VDAC2: variants seen among roughly 807,000 people sequenced by gnomAD.
VDAC2 encodes the protein non-selective voltage-gated ion channel VDAC2.
VDAC2 carries 6 observed loss-of-function variants against 36.6 expected under a neutral mutation model. The observed-to-expected ratio is 0.16, with a 90% CI of 0.09 to 0.32. The LOEUF is 0.32. Among genes scored for constraint, VDAC2 ranks in the 10% least tolerant of loss-of-function variants. VDAC2 has a pLI of 1.00. For missense variants in VDAC2, 247 were observed against 346.0 expected (o/e 0.71, Z 2.27); for synonymous variants, 109 against 123.8 (o/e 0.88, Z 0.79).
chr10:75,214,026 G>A lies in VDAC2; in HGVS notation c.106G>A (p.Gly36Arg). The A allele has an allele frequency of 6.2e-7, 1 of 1,613,274 alleles. No individual in the cohort carries two copies. Among genetic ancestry groups the A allele is most frequent in the South Asian group, 1.1e-5 (1 of 91,034 alleles). ...TTGCTGTCTATTTGTTGAAGGTTTT[G>A]GGTTGGTGAAACTGGATGTGAAAAC... is the stretch of plus-strand genomic sequence containing the variant. ...RDIFNKGFGF[G>R]LVKLDVKTKS... Residue 36 changes from glycine to arginine, a missense_variant, in exon 4 of 10, where the codon GGG (glycine) becomes AGG (arginine). Gly to Arg is a moderately radical substitution (Grantham distance 125, BLOSUM62 -2). This residue lies in a region of VDAC2 where 76 missense variants were observed against 76.9 expected (regional missense o/e 0.99). Transcript: ENST00000332211.
intron 1 of VDAC2, 73 bp downstream of exon 1, chr10:75,211,011 C>T (rs946279130): frequency 1.1e-6 from 1 of 912,082 alleles, no homozygotes; most frequent in Admixed American, 3.8e-5. Flanking sequence ...CCGCGCCGGA[C>T]TCGGAGTCGG....
intron 2 of VDAC2, chr10:75,211,509 A>C: frequency 6.5e-7 from 1 of 1,540,798 alleles, no homozygotes; most frequent in Non-Finnish European, 8.8e-7. Flanking sequence ...TTCTAGAGGA[A>C]GTAGCAGTCC....
intron 4 of VDAC2, among the ~76,000 whole-genome samples, chr10:75,215,970 T>C (rs1254559167): frequency 6.6e-6 from 1 of 152,208 alleles, no homozygotes; most frequent in African/African-American, 2.4e-5. Context: ...GATCCCAAAG[T>C]GTTGGGATTA....
intron 4 of VDAC2, among the ~76,000 whole-genome samples, chr10:75,216,127 G>A (rs749247011): frequency 2.2e-4 from 34 of 152,140 alleles, no homozygotes; most frequent in Non-Finnish European, 4.3e-4. Context: ...GACTTATTTG[G>A]CCAAGTTAAC....
At chr10:75,211,019 C>T (rs1020612578) in intron 1 of VDAC2, 81 bp downstream of exon 1, 3 of 978,718 alleles carry the variant, frequency 3.1e-6, no homozygotes, top group Non-Finnish European at 2.8e-6. Flanking sequence ...GACTCGGAGT[C>T]GGCCCTGGCT....
rs888404925 is a variant in VDAC2, at chr10:75,219,485, TTTTA to T, written c.356+141_356+144del. On this transcript the variant is annotated intron_variant, in intron 6 of 9. Coordinates refer to ENST00000332211, the MANE Select transcript of VDAC2 (RefSeq NM_001391963.1). ...GTGGTGGTGAAATCTCTGTATCTGC[TTTTA>T]TTTATTTATTTGAGATGGAGTCTTT... is the stretch of plus-strand genomic sequence containing the variant. 28 of 753,458 alleles carry T rather than the reference TTTTA, an allele frequency of 3.7e-5. No homozygotes were observed. In the Middle Eastern group the frequency reaches 2.4e-3, roughly 64 times the overall value. The allele number at this position is 753,458 out of a possible 1,614,324, so 46.7% of individuals were successfully genotyped here.
intron 4 of VDAC2, among the ~76,000 whole-genome samples, chr10:75,217,086 T>C (rs907293763): frequency 1.3e-5 from 2 of 151,854 alleles, no homozygotes; most frequent in Non-Finnish European, 2.9e-5. Context: ...TGAGACCCCG[T>C]CTCTACAAAA....
chr10:75,222,303 T>C lies in VDAC2; in HGVS notation c.636T>C (p.Asp212=). ...GGSIYQKVCE[D]LDTSVNLAWT... ...CAATTTATCAGAAAGTTTGTGAAGA[T>C]CTTGACACTTCAGTAAACCTTGCTT... Residue 212 remains aspartate, a synonymous_variant, in exon 8 of 10, where the codon GAT becomes GAC. Coordinates refer to ENST00000332211, the MANE Select transcript of VDAC2 (RefSeq NM_001391963.1). The C allele has an allele frequency of 1.2e-6, 2 of 1,614,130 alleles. No individual in the cohort carries two copies. Among genetic ancestry groups the C allele is most frequent in the Admixed American group, 3.3e-5 (2 of 60,006 alleles).
chr10:75,212,421 T>A, intron 3 of VDAC2, 123 bp downstream of exon 3: 4 of 946,108 alleles, frequency 4.2e-6, no homozygotes, highest in Non-Finnish European at 6.2e-6. Context: ...TTAGAGTTAC[T>A]TATTTTTTTG....
In VDAC2 at chr10:75,214,061, C is replaced by T. The variant is rs147273680; in HGVS notation, c.141C>T (p.Cys47=). 77 of 1,612,946 alleles carry T rather than the reference C, an allele frequency of 4.8e-5. No homozygotes were observed. In the African/African-American group the frequency reaches 7.2e-4, roughly 15 times the overall value. ...AACTGGATGTGAAAACAAAGTCTTG[C>T]AGTGGCGTGGTGAGTGTTACTGTTG... ...LVKLDVKTKS[C]SGVEFSTSGS... is the part of the protein sequence containing the mutation. The change falls in exon 4 of 10, where the codon TGC becomes TGT. Residue 47 remains cysteine, a synonymous_variant. Coordinates refer to ENST00000332211, the MANE Select transcript of VDAC2 (RefSeq NM_001391963.1).
intron 4 of VDAC2, among the ~76,000 whole-genome samples, chr10:75,217,478 A>G (rs1841641670): frequency 6.6e-6 from 1 of 152,170 alleles, no homozygotes; most frequent in South Asian, 2.1e-4. Context: ...CTCAGGTTCA[A>G]GTGATTTTCC....
At chr10:75,230,864 G>T in intron 9 of VDAC2, 34 bp from the exon 10 acceptor site, 2 of 1,590,124 alleles carry the variant, frequency 1.3e-6, no homozygotes, top group Non-Finnish European at 1.7e-6. Flanking sequence ...GGTACATCAC[G>T]GTTTTTTGTT....
intron 8 of VDAC2, among the ~76,000 whole-genome samples, chr10:75,227,584 T>TTTTA (rs1043017999): frequency 2.1e-5 from 3 of 143,074 alleles, no homozygotes; most frequent in Non-Finnish European, 4.5e-5. Context: ...GGAATTTTTT[T>TTTTA]TTTTTTTTTT....
At chr10:75,210,397 G>A (rs1300118559), upstream of VDAC2, among the ~76,000 whole-genome samples, 4 of 152,324 alleles carry the variant, frequency 2.6e-5, no homozygotes, top group East Asian at 1.9e-4. Flanking sequence ...GTTTCGGGGG[G>A]GAACCCGCAC....
In VDAC2 at chr10:75,227,576, A is replaced by AGTTTTTTTTTT. The variant is rs1841989654; in HGVS notation, c.736-2068_736-2067insGTTTTTTTTTT. Among the ~76,000 whole-genome samples the AGTTTTTTTTTT allele has an allele frequency of 6.4e-4, 58 of 90,756 alleles. 1 individual carries two copies. The highest frequency in any genetic ancestry group is 3.0e-3 in the African/African-American group (56 of 18,630). 59.5% of individuals were successfully genotyped at this position (90,756 alleles called of 152,430 possible). A position where few individuals can be genotyped will look rare whatever the true frequency, so the allele number is the denominator to read the frequency against. ...TTAACTCTTACTGTTAAATAATAGGAATTTTTTTTTTTTTTTTTTTTTGGA... is the reference window on the plus strand; with the variant it reads ...TTAACTCTTACTGTTAAATAATAGGAGTTTTTTTTTTATTTTTTTTTTTTTTTTTTTTTGGA... On this transcript the variant is annotated intron_variant, in intron 8 of 9. Coordinates refer to ENST00000332211, the MANE Select transcript of VDAC2 (RefSeq NM_001391963.1).
At chr10:75,228,140 T>G (rs916982918) in intron 8 of VDAC2, among the ~76,000 whole-genome samples, 8 of 149,532 alleles carry the variant, frequency 5.4e-5, no homozygotes, top group African/African-American at 1.2e-4. Flanking sequence ...GTGGTCCGCC[T>G]GCCTCGGCCT....
chr10:75,216,695 T>C (rs1841616315), intron 4 of VDAC2, among the ~76,000 whole-genome samples: 1 of 152,162 alleles, frequency 6.6e-6, no homozygotes, highest in Non-Finnish European at 1.5e-5. Context: ...TTCCTTGGCA[T>C]GTGTATATAG....
rs1416682538 is a variant in VDAC2 at position 75,222,303 on chromosome 10, T to A, written c.636T>A (p.Asp212Glu). ...CAATTTATCAGAAAGTTTGTGAAGATCTTGACACTTCAGTAAACCTTGCTT... is the reference window on the plus strand; with the variant it reads ...CAATTTATCAGAAAGTTTGTGAAGAACTTGACACTTCAGTAAACCTTGCTT... ...GGSIYQKVCEDLDTSVNLAWT... is the reference protein window; with the variant it reads ...GGSIYQKVCEELDTSVNLAWT... Residue 212 changes from aspartate to glutamate, a missense_variant, in exon 8 of 10, where the codon GAT becomes GAA. By Grantham distance (45) the Asp-to-Glu change is conservative (BLOSUM62 2). This residue lies in a region of VDAC2 where 159 missense variants were observed against 234.0 expected (regional missense o/e 0.68). Coordinates refer to ENST00000332211, the MANE Select transcript of VDAC2 (RefSeq NM_001391963.1). 6.2e-7 allele frequency: 1 copy of A among 1,614,130 alleles called. No homozygotes were observed.
intron 9 of VDAC2, among the ~76,000 whole-genome samples, chr10:75,230,632 T>G (rs1304218012): frequency 6.6e-6 from 1 of 152,244 alleles, no homozygotes; most frequent in Non-Finnish European, 1.5e-5. Flanking sequence ...GATAGTATAC[T>G]CAACATTATA....
Sources: gnomAD v4.1 joint callset for allele counts (sites outside exome capture counted in the v4.1 genomes callset) on GRCh38, gnomAD v4.1.1 for gene constraint, gnomAD v4.1.1 regional missense constraint, MANE v1.5 for transcripts, NCBI Gene and HGNC (gene_info 2026-07-23, HGNC 2026-07-21) for gene names.